Variants in RFX8 observed in about 807,000 individuals in gnomAD.
RFX8 encodes regulatory factor X8.
RFX8 carries 46 observed loss-of-function variants against 54.6 expected under a neutral mutation model. The ratio of observed to expected loss-of-function variants is 0.84; its 90% confidence interval spans 0.67 to 1.08. The LOEUF (loss-of-function observed/expected upper bound fraction) is 1.08. RFX8 is among the 50% of genes least tolerant of loss of function. The pLI, the probability that RFX8 is intolerant of heterozygous loss-of-function variation, is 0.00. For missense variants in RFX8, 536 were observed against 562.3 expected (o/e 0.95, Z 0.47); for synonymous variants, 192 against 209.5 (o/e 0.92, Z 0.72).
chr2:101,465,858 C>A (rs1320744916), intron 2 of RFX8, among the ~76,000 whole-genome samples: 2 of 152,186 alleles, frequency 1.3e-5, no homozygotes, highest in African/African-American at 4.8e-5. Context: ...GCGTTGCACC[C>A]TTGGGGCCAC....
At chr2:101,459,863 G>C (rs1489938517) in intron 2 of RFX8, among the ~76,000 whole-genome samples, 2 of 152,222 alleles carry the variant, frequency 1.3e-5, no homozygotes, top group Non-Finnish European at 2.9e-5. Context: ...AGAGGCAGTA[G>C]GGCTTGTTGC....
rs116374385 is a variant in RFX8 at position 101,463,045 on chromosome 2, G to C, written c.72+3732C>G. Among the ~76,000 whole-genome samples the C allele has an allele frequency of 4.7e-3, 712 of 152,288 alleles. 7 individuals are homozygous for C. Among genetic ancestry groups the C allele is most frequent in the African/African-American group, 0.016 (659 of 41,554 alleles). ...AGAAAGTCTTCTGAAGGGTCCTCTT[G>C]TCTAATTATTATCTGTCCGTCCATC... On this transcript the variant is annotated intron_variant, in intron 2 of 11. Coordinates refer to ENST00000428343, the MANE Select transcript of RFX8 (RefSeq NM_001145664.2).
At chr2:101,427,507 G>A (rs191782221) in intron 2 of RFX8, among the ~76,000 whole-genome samples, 58 of 152,288 alleles carry the variant, frequency 3.8e-4, no homozygotes, top group Admixed American at 3.3e-4. Flanking sequence ...TAGAATGTCC[G>A]GGAGGAACAC....
Position 101,474,320 on chromosome 2 carries a change from G to A in RFX8, c.-53+316C>T, listed in dbSNP as rs1187586556. On this transcript the variant is annotated intron_variant, in intron 1 of 11. Transcript: ENST00000428343. Reference sequence around the variant, plus strand: ...AGCACCGAGGCAGGCAGCGAGCGGCGGCCGTGGGCGGCGCTGGGTTGCACC... The same window carrying A: ...AGCACCGAGGCAGGCAGCGAGCGGCAGCCGTGGGCGGCGCTGGGTTGCACC... 8.6e-6 allele frequency: 4 copies of A among 463,518 alleles called. No individual in the cohort carries two copies. In the South Asian group the frequency reaches 1.2e-4, roughly 13 times the overall value. 28.7% of individuals were successfully genotyped at this position (463,518 alleles called of 1,614,324 possible).
intron 2 of RFX8, among the ~76,000 whole-genome samples, chr2:101,433,161 G>A (rs1415088152): frequency 1.3e-5 from 2 of 152,206 alleles, no homozygotes; most frequent in East Asian, 3.9e-4. Context: ...ATTGCTTTAA[G>A]CAAGTCACAT....
chr2:101,438,954 G>A lies in RFX8; in HGVS notation c.73-16482C>T, dbSNP rs551514957. Among the ~76,000 whole-genome samples the A allele has an allele frequency of 3.9e-5, 6 of 152,238 alleles. No homozygotes were observed. The South Asian group carries it at 1.2e-3, about 32-fold the overall frequency. On this transcript the variant is annotated intron_variant, in intron 2 of 11. Transcript: ENST00000428343. ...AGCCTCCAGAGTAGCTGGGATTACA[G>A]GCGCCCGCCACCATGCCAGGCTAAT...
chr2:101,399,011 A>C (rs989212852), intron 11 of RFX8, among the ~76,000 whole-genome samples: 4 of 152,224 alleles, frequency 2.6e-5, no homozygotes, highest in African/African-American at 9.6e-5. Context: ...GTAATCCTGG[A>C]GTACATGACC....
intron 2 of RFX8, among the ~76,000 whole-genome samples, chr2:101,435,786 G>A (rs897748988): frequency 4.6e-5 from 7 of 152,094 alleles, no homozygotes; most frequent in Non-Finnish European, 1.0e-4. Context: ...TTGTGAGGTG[G>A]TCTTGTTCAT....
At chr2:101,450,624 C>A in intron 2 of RFX8, 1 of 1,513,788 alleles carries the variant, frequency 6.6e-7, no homozygotes, top group Non-Finnish European at 8.9e-7. Flanking sequence ...TATCAGGTAG[C>A]AATACTGGGC....
chr2:101,438,153 T>G (rs1687888717), intron 2 of RFX8, among the ~76,000 whole-genome samples: 1 of 152,208 alleles, frequency 6.6e-6, no homozygotes, highest in Non-Finnish European at 1.5e-5. Context: ...AAATGGGGTA[T>G]CGACCACTTC....
At chr2:101,404,048 T>C (rs1378719440) in intron 10 of RFX8, among the ~76,000 whole-genome samples, 3 of 152,222 alleles carry the variant, frequency 2.0e-5, no homozygotes, top group African/African-American at 7.2e-5. Flanking sequence ...ATCTGCATTA[T>C]CAGTTTGCTG....
At chr2:101,406,281 G>A (rs1321672551) in intron 9 of RFX8, among the ~76,000 whole-genome samples, 1 of 151,736 alleles carries the variant, frequency 6.6e-6, no homozygotes, top group Non-Finnish European at 1.5e-5. Context: ...AGTTGGTGGA[G>A]AGAAGGAGGG....
At chr2:101,418,091 C>T (rs942580539) in intron 5 of RFX8, among the ~76,000 whole-genome samples, 2 of 152,022 alleles carry the variant, frequency 1.3e-5, no homozygotes, top group Non-Finnish European at 2.9e-5. Context: ...GGGGTTTAAC[C>T]ATCTTGGCCA....
intron 10 of RFX8, 125 bp from the exon 11 acceptor site, chr2:101,402,877 C>G: frequency 1.2e-6 from 1 of 846,376 alleles, no homozygotes; most frequent in South Asian, 1.8e-5. Flanking sequence ...AATAGCTTAC[C>G]CAGAAGAGGC....
rs1177178074 is a variant in RFX8 at position 101,466,865 on chromosome 2, C to T, written c.-17G>A. The T allele has an allele frequency of 1.3e-6, 2 of 1,544,868 alleles. No homozygotes were observed. The highest frequency in any genetic ancestry group is 2.0e-5 in the Admixed American group (1 of 50,986). On this transcript the variant is annotated 5_prime_UTR_variant, in exon 2 of 12. Coordinates refer to ENST00000428343, the MANE Select transcript of RFX8 (RefSeq NM_001145664.2). ...CTCATACATGAGACAGCGAGGGACG[C>T]TGCACTCTTCGCAAATGCAGAAGTT...
At chr2:101,432,686 A>C (rs1687556560) in intron 2 of RFX8, among the ~76,000 whole-genome samples, 1 of 152,184 alleles carries the variant, frequency 6.6e-6, no homozygotes, top group Non-Finnish European at 1.5e-5. Flanking sequence ...GACATTTATC[A>C]GGCTGTGATC....
At chr2:101,447,248 T>TCTTTCCCAACTATTCTTAAAC (rs1363764032) in intron 2 of RFX8, among the ~76,000 whole-genome samples, 1 of 130,284 alleles carries the variant, frequency 7.7e-6, no homozygotes, top group African/African-American at 2.7e-5. Context: ...ATCTCCAGGC[T>TCTTTCCCAACTATTCTTAAAC]CATCACCCTC....
At chr2:101,418,819 G>C (rs764551212) in intron 5 of RFX8, 32 bp downstream of exon 5, 2 of 1,363,464 alleles carry the variant, frequency 1.5e-6, no homozygotes, top group Non-Finnish European at 2.1e-6. Flanking sequence ...TTCTGCAAAG[G>C]ATATACTCTA....
intron 11 of RFX8, among the ~76,000 whole-genome samples, chr2:101,398,317 G>A (rs1177288017): frequency 6.6e-6 from 1 of 152,142 alleles, no homozygotes; most frequent in South Asian, 2.1e-4. Flanking sequence ...CCTCGTGAGA[G>A]CAAACCAACA....
Sources: gnomAD v4.1 joint callset for allele counts (sites outside exome capture counted in the v4.1 genomes callset) on GRCh38, gnomAD v4.1.1 for gene constraint, MANE v1.5 for transcripts, NCBI Gene and HGNC (gene_info 2026-07-23, HGNC 2026-07-21) for gene names.